Variants in PRPH observed in about 807,000 individuals in gnomAD.
PRPH encodes the protein peripherin.
A neutral mutation model predicts 52.6 loss-of-function variants in PRPH; 48 were observed. That is an observed-to-expected ratio of 0.91 (90% CI 0.72 to 1.16). The LOEUF (loss-of-function observed/expected upper bound fraction) is 1.16. Ranked by LOEUF, PRPH falls within the 50% of genes most tolerant of loss-of-function variation. PRPH has a pLI of 0.00. For missense variants in PRPH, 579 were observed against 635.7 expected (o/e 0.91, Z 0.96); for synonymous variants, 279 against 283.8 (o/e 0.98, Z 0.17).
rs1592297885 is a variant in PRPH, at chr12:49,297,585, T to G, written c.1217+8T>G. 2.0e-6 allele frequency: 2 copies of G among 983,042 alleles called. No homozygotes were observed. The highest frequency in any genetic ancestry group is 3.0e-5 in the African/African-American group (1 of 33,048). The allele number at this position is 983,042 out of a possible 1,614,324, so 60.9% of individuals were successfully genotyped here. On this transcript the variant is annotated splice_region_variant and intron_variant, in intron 6 of 8. Transcript: ENST00000257860. The surrounding 1 kb of genome is among the most constrained non-coding windows in gnomAD (Gnocchi z 4.4). ...GGAGGGCGAGGAGAGCCGGTGAGGGTGGAGCTGCTGGGGCGGGGCAGGGCG... is the reference window on the plus strand; with the variant it reads ...GGAGGGCGAGGAGAGCCGGTGAGGGGGGAGCTGCTGGGGCGGGGCAGGGCG...
chr12:49,297,759 G>A lies in PRPH; in HGVS notation c.1267+33G>A. 6.2e-7 allele frequency: 1 copy of A among 1,611,886 alleles called. No homozygotes were observed. The highest frequency in any genetic ancestry group is 8.5e-7 in the Non-Finnish European group (1 of 1,178,596). On this transcript the variant is annotated intron_variant, in intron 7 of 8. Transcript: ENST00000257860. The surrounding 1 kb of genome is among the most constrained non-coding windows in gnomAD (Gnocchi z 4.4). ...TGGCTTACAGCCTGTACCTCTCCTTGTCCACTTCTGCCCTCCTCGGGCTCT... is the reference window on the plus strand; with the variant it reads ...TGGCTTACAGCCTGTACCTCTCCTTATCCACTTCTGCCCTCCTCGGGCTCT...
chr12:49,298,448 T>A lies in PRPH; in HGVS notation c.*95T>A. 7.3e-7 allele frequency: 1 copy of A among 1,378,398 alleles called. No individual in the cohort carries two copies. The highest frequency in any genetic ancestry group is 1.0e-6 in the Non-Finnish European group (1 of 978,536). 85.4% of individuals were successfully genotyped at this position (1,378,398 alleles called of 1,614,324 possible). A position where few individuals can be genotyped will look rare whatever the true frequency, so the allele number is the denominator to read the frequency against. ...ATTGTCTCCTCTCCCTCTGCATGTG[T>A]CTAAAAGGTGGTACCAGGCATCCCT... is the stretch of plus-strand genomic sequence containing the variant. On this transcript the variant is annotated 3_prime_UTR_variant, in exon 9 of 9. Coordinates refer to ENST00000257860, the MANE Select transcript of PRPH (RefSeq NM_006262.4).
rs1943198313 is a variant in PRPH at position 49,297,320 on chromosome 12, T to C, written c.997-37T>C. ...CGGGCCCGGGGAGCGGACGATGAAATGTTCTGCAACTGGCCCCTTCCACTC... is the reference window on the plus strand; with the variant it reads ...CGGGCCCGGGGAGCGGACGATGAAACGTTCTGCAACTGGCCCCTTCCACTC... On this transcript the variant is annotated intron_variant, in intron 5 of 8. Transcript: ENST00000257860. The surrounding 1 kb of genome is among the most constrained non-coding windows in gnomAD (Gnocchi z 4.4). 2 of 1,613,188 alleles carry C rather than the reference T, an allele frequency of 1.2e-6. No homozygotes were observed. The highest frequency in any genetic ancestry group is 8.5e-7 in the Non-Finnish European group (1 of 1,179,906).
chr12:49,295,943 T>C, intron 1 of PRPH, 198 bp downstream of exon 1: 1 of 1,450,248 alleles, frequency 6.9e-7, no homozygotes. Context: ...CTCTGAGTGT[T>C]TGGGGAGGTG....
At position 49,297,627 on chromosome 12, in the gene PRPH, G is replaced by C. The variant is rs747403786; in HGVS notation, c.1217+50G>C. 16 of 1,611,484 alleles carry C rather than the reference G, an allele frequency of 9.9e-6. No homozygotes were observed. In the South Asian group the frequency reaches 1.6e-4, roughly 17 times the overall value. On this transcript the variant is annotated intron_variant, in intron 6 of 8. Transcript: ENST00000257860. This position sits in a 1 kb window ranked among gnomAD's most constrained non-coding sequence, Gnocchi z 4.4. ...GGCAGGGCGGGGTCGGGACTGGGCC[G>C]GGCAGGGCGGGGCCTGGGCAGGGGC...
rs1440212510 is a variant in PRPH, at chr12:49,296,045, A to G, written c.546-133A>G. 2.3e-6 allele frequency: 3 copies of G among 1,310,800 alleles called. No homozygotes were observed. Among genetic ancestry groups the G allele is most frequent in the Non-Finnish European group, 3.2e-6 (3 of 943,398 alleles). 81.2% of individuals were successfully genotyped at this position (1,310,800 alleles called of 1,614,324 possible). On this transcript the variant is annotated intron_variant, in intron 1 of 8. Transcript: ENST00000257860. The surrounding 1 kb of genome is among the most constrained non-coding windows in gnomAD (Gnocchi z 5.1). ...AGAGACAATGCGGGGCAATTCCATTAGACAGCCTCAGCCCTCCATTTAGAG... is the reference window on the plus strand; with the variant it reads ...AGAGACAATGCGGGGCAATTCCATTGGACAGCCTCAGCCCTCCATTTAGAG...
In PRPH at chr12:49,295,210, C is replaced by T; in HGVS notation, c.10C>T (p.His4Tyr). The T allele has an allele frequency of 5.6e-6, 9 of 1,611,354 alleles. No homozygotes were observed. Among genetic ancestry groups the T allele is most frequent in the Non-Finnish European group, 7.6e-6 (9 of 1,179,546 alleles). Residue 4 changes from histidine (H) to tyrosine (Y), a missense_variant, in exon 1 of 9, where the codon CAC becomes TAC. His to Tyr is a moderately conservative substitution (Grantham distance 83). Transcript: ENST00000257860. ...CCCATCCTTGGCCGCAATGAGCCAC[C>T]ACCCGTCGGGCCTCCGGGCCGGCTT... MSH[H>Y]PSGLRAGFSS...
In PRPH at chr12:49,297,972, C is replaced by T. The variant is rs755474867; in HGVS notation, c.1282C>T (p.Pro428Ser). The T allele has an allele frequency of 6.2e-6, 10 of 1,614,062 alleles. No individual in the cohort carries two copies. The South Asian group carries it at 1.1e-4, about 18-fold the overall frequency. Residue 428 changes from proline (P) to serine (S), a missense_variant, in exon 8 of 9, where the codon CCT becomes TCT. Physicochemically the swap from Pro to Ser is moderately conservative, Grantham distance 74. Transcript: ENST00000257860. The surrounding 1 kb of genome is among the most constrained non-coding windows in gnomAD (Gnocchi z 4.4). ...NIKTTVPEVE[P>S]PQDSHSRKTV... is the part of the protein sequence containing the mutation. ...GCTTTCTTCAGTGCCTGAGGTGGAG[C>T]CTCCCCAGGACAGCCACAGCCGGAA...
chr12:49,298,065 C>T, intron 8 of PRPH, 28 bp downstream of exon 8: 1 of 1,603,860 alleles, frequency 6.2e-7, no homozygotes, highest in South Asian at 1.1e-5. Flanking sequence ...ATGCCAGGAC[C>T]CCACCATTTC....
Position 49,298,543 on chromosome 12 carries a change from T to C in PRPH, c.*190T>C. 1.6e-6 allele frequency: 1 copy of C among 617,548 alleles called. No individual in the cohort carries two copies. Among genetic ancestry groups the C allele is most frequent in the Middle Eastern group, 3.0e-4 (1 of 3,372 alleles). The allele number at this position is 617,548 out of a possible 1,614,324, so 38.3% of individuals were successfully genotyped here. A position where few individuals can be genotyped will look rare whatever the true frequency, so the allele number is the denominator to read the frequency against. Reference sequence around the variant, plus strand: ...CCTCTCCCTGCCCTGACACTTGATGTGACCTATGTGCTTCCCTTTTCATGT... The same window carrying C: ...CCTCTCCCTGCCCTGACACTTGATGCGACCTATGTGCTTCCCTTTTCATGT... On this transcript the variant is annotated 3_prime_UTR_variant, in exon 9 of 9. Transcript: ENST00000257860.
rs907173485 is a variant in PRPH, at chr12:49,297,041, G to A, written c.855G>A (p.Glu285=). The change falls in exon 4 of 9, where the codon GAG becomes GAA. Residue 285 remains glutamate, a synonymous_variant. Coordinates refer to ENST00000257860, the MANE Select transcript of PRPH (RefSeq NM_006262.4). This position sits in a 1 kb window ranked among gnomAD's most constrained non-coding sequence, Gnocchi z 4.4. ...IAAKNLQEAE[E]WYKSKYADLS... ...CGAAGAACCTGCAGGAGGCGGAGGA[G>A]TGGTACAAGTCCAAGGTGCAAGAGC... is the stretch of plus-strand genomic sequence containing the variant. 3.1e-6 allele frequency: 5 copies of A among 1,613,774 alleles called. No homozygotes were observed. Among genetic ancestry groups the A allele is most frequent in the Non-Finnish European group, 2.5e-6 (3 of 1,179,950 alleles).
rs1474507450 is a variant in PRPH at position 49,297,287 on chromosome 12, T to G, written c.996+14T>G. On this transcript the variant is annotated intron_variant, in intron 5 of 8. Transcript: ENST00000257860. This position sits in a 1 kb window ranked among gnomAD's most constrained non-coding sequence, Gnocchi z 4.4. ...CTGCGCGGCACGGTGAGTACGAAGCTGCGCGCTCGGGCCCGGGGAGCGGAC... is the reference window on the plus strand; with the variant it reads ...CTGCGCGGCACGGTGAGTACGAAGCGGCGCGCTCGGGCCCGGGGAGCGGAC... 6.2e-7 allele frequency: 1 copy of G among 1,613,672 alleles called. No homozygotes were observed. The highest frequency in any genetic ancestry group is 8.5e-7 in the Non-Finnish European group (1 of 1,179,962).
Position 49,296,051 on chromosome 12 carries a change from C to T in PRPH, c.546-127C>T, listed in dbSNP as rs1943174145. Reference sequence around the variant, plus strand: ...AATGCGGGGCAATTCCATTAGACAGCCTCAGCCCTCCATTTAGAGTCCTGG... The same window carrying T: ...AATGCGGGGCAATTCCATTAGACAGTCTCAGCCCTCCATTTAGAGTCCTGG... On this transcript the variant is annotated intron_variant, in intron 1 of 8. Coordinates refer to ENST00000257860, the MANE Select transcript of PRPH (RefSeq NM_006262.4). The surrounding 1 kb of genome is among the most constrained non-coding windows in gnomAD (Gnocchi z 5.1). 4 of 1,317,692 alleles carry T rather than the reference C, an allele frequency of 3.0e-6. No individual in the cohort carries two copies. The highest frequency in any genetic ancestry group is 5.0e-5 in the East Asian group (2 of 40,008). The allele number at this position is 1,317,692 out of a possible 1,614,324, so 81.6% of individuals were successfully genotyped here.
chr12:49,295,414 C>A lies in PRPH; in HGVS notation c.214C>A (p.Arg72Ser). Residue 72 changes from arginine to serine, a missense_variant, in exon 1 of 9, where the codon CGC becomes AGC. Transcript: ENST00000257860. Reference sequence around the variant, plus strand: ...CCGAGCGGGAGCGGGCGCCCTCCTGCGCCTGCCCTCGGAGCGCCTCGACTT... The same window carrying A: ...CCGAGCGGGAGCGGGCGCCCTCCTGAGCCTGCCCTCGGAGCGCCTCGACTT... ...SPRAGAGALL[R>S]LPSERLDFSM... The A allele has an allele frequency of 3.7e-6, 6 of 1,604,442 alleles. 1 individual carries two copies. Among genetic ancestry groups the A allele is most frequent in the African/African-American group, 1.3e-5 (1 of 74,938 alleles).
Position 49,297,250 on chromosome 12 carries a change from G to T in PRPH, c.973G>T (p.Glu325Ter). 1 of 1,614,034 alleles carries T rather than the reference G, an allele frequency of 6.2e-7. No individual in the cohort carries two copies. Among genetic ancestry groups the T allele is most frequent in the Non-Finnish European group, 8.5e-7 (1 of 1,179,990 alleles). The change falls in exon 5 of 9, where the codon GAG becomes TAG. Residue 325 changes from glutamate to a stop codon, truncating the protein, a stop_gained. Coordinates refer to ENST00000257860, the MANE Select transcript of PRPH (RefSeq NM_006262.4). LOFTEE classifies it high-confidence loss of function. The surrounding 1 kb of genome is among the most constrained non-coding windows in gnomAD (Gnocchi z 4.4). ...ACGCCAGATCCAGAGTCTAACGTGC[G>T]AGGTGGACGGGCTGCGCGGCACGGT... ...SRRQIQSLTCEVDGLRGTNEA... is the reference protein window; with the variant it reads ...SRRQIQSLTC
Position 49,296,638 on chromosome 12 carries a change from C to A in PRPH, c.702+111C>A. On this transcript the variant is annotated intron_variant, in intron 3 of 8. Coordinates refer to ENST00000257860, the MANE Select transcript of PRPH (RefSeq NM_006262.4). The surrounding 1 kb of genome is among the most constrained non-coding windows in gnomAD (Gnocchi z 5.1). Reference sequence around the variant, plus strand: ...GGGGATCAGGACGATGCTGGGTAGACGCAGCCCCTCCACCCTAGTCTACAG... The same window carrying A: ...GGGGATCAGGACGATGCTGGGTAGAAGCAGCCCCTCCACCCTAGTCTACAG... 8.7e-7 allele frequency: 1 copy of A among 1,149,104 alleles called. No homozygotes were observed. The highest frequency in any genetic ancestry group is 1.3e-5 in the South Asian group (1 of 76,996). 71.2% of individuals were successfully genotyped at this position (1,149,104 alleles called of 1,614,324 possible).
chr12:49,296,478 TTGAGTCTC>T lies in PRPH; in HGVS notation c.657_664del (p.Glu219AspfsTer3), dbSNP rs1203618610. 6.2e-7 allele frequency: 1 copy of T among 1,614,134 alleles called. No homozygotes were observed. The highest frequency in any genetic ancestry group is 1.1e-5 in the South Asian group (1 of 91,078). ...TCCCGCCTGGAACTAGAGCGCAAGA[TTGAGTCTC>T]TGATGGATGAGATTGAGTTCCTCAA... is the stretch of plus-strand genomic sequence containing the variant. On this transcript the variant is annotated frameshift_variant, in exon 3 of 9. Transcript: ENST00000257860. LOFTEE classifies it high-confidence loss of function. The surrounding 1 kb of genome is among the most constrained non-coding windows in gnomAD (Gnocchi z 5.1).
chr12:49,298,480 G>C lies in PRPH; in HGVS notation c.*127G>C. 9.3e-7 allele frequency: 1 copy of C among 1,071,694 alleles called. No individual in the cohort carries two copies. Among genetic ancestry groups the C allele is most frequent in the South Asian group, 1.4e-5 (1 of 73,060 alleles). The allele number at this position is 1,071,694 out of a possible 1,614,324, so 66.4% of individuals were successfully genotyped here. ...GGTGGTACCAGGCATCCCTTTCCTG[G>C]CTTATGGCCAAGCCCTACCCGGCCA... On this transcript the variant is annotated 3_prime_UTR_variant, in exon 9 of 9. Coordinates refer to ENST00000257860, the MANE Select transcript of PRPH (RefSeq NM_006262.4).
chr12:49,297,905 G>C lies in PRPH; in HGVS notation c.1268-53G>C, dbSNP rs1943210375. 6.2e-7 allele frequency: 1 copy of C among 1,602,282 alleles called. No individual in the cohort carries two copies. Among genetic ancestry groups the C allele is most frequent in the East Asian group, 2.2e-5 (1 of 44,794 alleles). ...CTCAGGGATAGCAGTGGGAGCCTAA[G>C]AGGAGAGATTCCCACGCCTTCCCCC... On this transcript the variant is annotated intron_variant, in intron 7 of 8. Coordinates refer to ENST00000257860, the MANE Select transcript of PRPH (RefSeq NM_006262.4). This position sits in a 1 kb window ranked among gnomAD's most constrained non-coding sequence, Gnocchi z 4.4.
Sources: gnomAD v4.1 joint callset for allele counts on GRCh38, gnomAD v4.1.1 for gene constraint, Gnocchi (gnomAD v3.1) non-coding constraint, MANE v1.5 for transcripts, NCBI Gene and HGNC (gene_info 2026-07-23, HGNC 2026-07-21) for gene names.